PDE11A: variants seen among roughly 807,000 people sequenced by gnomAD.
PDE11A encodes dual 3',5'-cyclic-AMP and -GMP phosphodiesterase 11A.
Under a neutral mutation model 100.5 loss-of-function variants are expected in PDE11A, and 100 were observed. That is an observed-to-expected ratio of 1.00 (90% CI 0.85 to 1.18). The LOEUF (loss-of-function observed/expected upper bound fraction) is 1.18, where lower values mean the gene tolerates loss of function less well. Ranked by LOEUF, PDE11A falls within the 50% of genes most tolerant of loss-of-function variation. The pLI is 0.00. For missense variants in PDE11A, 1,141 were observed against 1,152.6 expected, an observed-to-expected ratio of 0.99 and a Z score of 0.15; for synonymous variants, 381 against 420.8, an observed-to-expected ratio of 0.91 and a Z score of 1.16.
At chr2:177,761,592 T>C (rs976837638) in intron 10 of PDE11A, among the ~76,000 whole-genome samples, 3 of 152,140 alleles carry the variant, frequency 2.0e-5, no homozygotes, top group African/African-American at 4.8e-5. Context: ...TAGAAAGTGA[T>C]GAATATGGTA....
intron 7 of PDE11A, among the ~76,000 whole-genome samples, chr2:177,818,294 A>AAT (rs1194822156): frequency 4.3e-5 from 5 of 116,228 alleles, no homozygotes; most frequent in Non-Finnish European, 8.7e-5. Context: ...TTCAACTGAA[A>AAT]ATATATATAT....
In PDE11A at chr2:177,728,267, A is replaced by G. The variant is rs2081632381; in HGVS notation, c.1789-95T>C. 9 of 1,085,598 alleles carry G rather than the reference A, an allele frequency of 8.3e-6. No individual in the cohort carries two copies. The South Asian group carries it at 1.0e-4, about 12-fold the overall frequency. 67.2% of individuals were successfully genotyped at this position (1,085,598 alleles called of 1,614,324 possible). On this transcript the variant is annotated intron_variant, in intron 10 of 19. Coordinates refer to ENST00000286063, the MANE Select transcript of PDE11A (RefSeq NM_016953.4). ...CCCTGCTTATCAGAAGTGCCACATA[A>G]ATCAGGCCTGACCTGCACTTACACC...
intron 2 of PDE11A, among the ~76,000 whole-genome samples, chr2:177,916,546 C>T (rs1442919791): frequency 6.6e-6 from 1 of 152,126 alleles, no homozygotes; most frequent in Non-Finnish European, 1.5e-5. Context: ...TGGTCCTAGA[C>T]TGAACTGAAC....
chr2:177,837,552 C>A (rs1384552060), intron 6 of PDE11A, among the ~76,000 whole-genome samples: 1 of 151,694 alleles, frequency 6.6e-6, no homozygotes, highest in East Asian at 1.9e-4. Flanking sequence ...CAGCTCACTG[C>A]AAGCTCTGCT....
chr2:177,781,973 T>C (rs922257748), intron 9 of PDE11A, among the ~76,000 whole-genome samples: 1 of 152,244 alleles, frequency 6.6e-6, no homozygotes, highest in African/African-American at 2.4e-5. Context: ...AATCATTCTA[T>C]GTCATTACCC....
At chr2:177,680,355 G>A (rs2080844580) in intron 16 of PDE11A, among the ~76,000 whole-genome samples, 1 of 152,090 alleles carries the variant, frequency 6.6e-6, no homozygotes. Context: ...TAAACAACTT[G>A]GAAGACGTCC....
intron 1 of PDE11A, among the ~76,000 whole-genome samples, chr2:178,049,613 G>A (rs2086796045): frequency 6.6e-6 from 1 of 152,194 alleles, no homozygotes; most frequent in Non-Finnish European, 1.5e-5. Context: ...CAGGGAAGCT[G>A]TGACAGATGG....
chr2:177,825,806 T>C (rs1008212646), intron 6 of PDE11A, among the ~76,000 whole-genome samples: 1 of 152,182 alleles, frequency 6.6e-6, no homozygotes, highest in Non-Finnish European at 1.5e-5. Context: ...CTCAATTTTA[T>C]CATTAATATT....
intron 1 of PDE11A, among the ~76,000 whole-genome samples, chr2:178,035,325 G>C (rs1383748502): frequency 6.6e-6 from 1 of 152,030 alleles, no homozygotes; most frequent in East Asian, 1.9e-4. Flanking sequence ...GACTAAACCA[G>C]GAAGAAGTCA....
intron 15 of PDE11A, among the ~76,000 whole-genome samples, chr2:177,685,054 T>C (rs2080923273): frequency 6.6e-6 from 1 of 152,238 alleles, no homozygotes; most frequent in East Asian, 1.9e-4. Flanking sequence ...ATCGCTAGAA[T>C]TAAGCTTCAT....
chr2:177,706,554 C>A lies in PDE11A; in HGVS notation c.2153+5215G>T, dbSNP rs527513695. On this transcript the variant is annotated intron_variant, in intron 13 of 19. Coordinates refer to ENST00000286063, the MANE Select transcript of PDE11A (RefSeq NM_016953.4). ...CATTCTAATCAATAAAAAGGTAGTT[C>A]CTTGACCATGATGCTAAAAAGCCTC... is the stretch of plus-strand genomic sequence containing the variant. Among the ~76,000 whole-genome samples the A allele has an allele frequency of 2.0e-4, 31 of 152,254 alleles. No individual in the cohort carries two copies. The South Asian group carries it at 6.4e-3, about 32-fold the overall frequency.
At chr2:178,040,384 TAGA>T (rs907594486) in intron 1 of PDE11A, among the ~76,000 whole-genome samples, 15 of 152,188 alleles carry the variant, frequency 9.9e-5, no homozygotes, top group African/African-American at 2.9e-4. Context: ...CTGGTGTGAG[TAGA>T]AGGATGTCCA....
At chr2:177,854,476 G>A (rs1461241361) in intron 5 of PDE11A, among the ~76,000 whole-genome samples, 1 of 151,926 alleles carries the variant, frequency 6.6e-6, no homozygotes, top group Non-Finnish European at 1.5e-5. Context: ...TTAATATCAT[G>A]CAAATGGGGC....
chr2:177,924,081 C>G (rs1008852027), intron 2 of PDE11A, among the ~76,000 whole-genome samples: 4 of 152,144 alleles, frequency 2.6e-5, no homozygotes, highest in Non-Finnish European at 5.9e-5. Flanking sequence ...GTAAGCAAGT[C>G]GGACACAGCT....
At chr2:178,096,169 C>CTTTTTCTTTTT in intron 2 of PDE11A, among the ~76,000 whole-genome samples, 1 of 120,132 alleles carries the variant, frequency 8.3e-6, no homozygotes, top group African/African-American at 3.2e-5. Flanking sequence ...CTTTTCTTTT[C>CTTTTTCTTTTT]TTTTTTTTTT....
chr2:178,083,099 A>ATT (rs71870174), intron 2 of PDE11A, among the ~76,000 whole-genome samples: 12,052 of 138,738 alleles, frequency 0.087, 587 homozygotes, highest in Middle Eastern at 0.12. Context: ...TAAAACTAAA[A>ATT]TTTTTTTTTT....
Position 177,806,623 on chromosome 2 carries a change from T to G in PDE11A, c.1737+10206A>C, listed in dbSNP as rs544350934. Reference sequence around the variant, plus strand: ...ATGTTTGATATGCAATAAATACTTATGAATACATGCAAAGAAGCAGAAAAA... The same window carrying G: ...ATGTTTGATATGCAATAAATACTTAGGAATACATGCAAAGAAGCAGAAAAA... On this transcript the variant is annotated intron_variant, in intron 9 of 19. Transcript: ENST00000286063. Among the ~76,000 whole-genome samples, 17 of 152,264 alleles carry G rather than the reference T, an allele frequency of 1.1e-4. No homozygotes were observed. The South Asian group carries it at 3.5e-3, about 32-fold the overall frequency.
intron 15 of PDE11A, among the ~76,000 whole-genome samples, chr2:177,695,849 T>C (rs923628453): frequency 1.3e-5 from 2 of 152,206 alleles, no homozygotes; most frequent in African/African-American, 4.8e-5. Flanking sequence ...ACTGATGCAA[T>C]GCCACAGTGC....
intron 2 of PDE11A, among the ~76,000 whole-genome samples, chr2:177,933,262 C>A (rs2085231727): frequency 6.6e-6 from 1 of 152,148 alleles, no homozygotes; most frequent in African/African-American, 2.4e-5. Flanking sequence ...TCAAAGCAAT[C>A]TATAGGTTCA....
Sources: allele counts gnomAD v4.1 joint callset (sites outside exome capture counted in the v4.1 genomes callset), GRCh38; gene constraint gnomAD v4.1.1; transcripts MANE v1.5; gene names NCBI Gene and HGNC (gene_info 2026-07-23, HGNC 2026-07-21).